The following TMEM150C variants were observed in gnomAD, a reference collection of about 807,000 sequenced individuals.
TMEM150C encodes the protein tentonin 3.
A neutral mutation model predicts 29.9 loss-of-function variants in TMEM150C; 10 were observed. That is an observed-to-expected ratio of 0.33 (90% CI 0.21 to 0.57). TMEM150C has a LOEUF of 0.57. Among genes scored for constraint, TMEM150C ranks in the 20% least tolerant of loss-of-function variants. The pLI is 0.88. For synonymous variants in TMEM150C, 101 were observed against 112.5 expected, an observed-to-expected ratio of 0.90 and a Z score of 0.64; for missense variants, 251 against 303.6, an observed-to-expected ratio of 0.83 and a Z score of 1.29.
At chr4:82,512,451 C>CTT (rs1724157004) in intron 1 of TMEM150C, among the ~76,000 whole-genome samples, 1 of 152,204 alleles carries the variant, frequency 6.6e-6, no homozygotes, top group Non-Finnish European at 1.5e-5. Context: ...AAAATCCACT[C>CTT]TGTCTCCTTC....
intron 2 of TMEM150C, among the ~76,000 whole-genome samples, chr4:82,504,012 T>C (rs1723819847): frequency 6.6e-6 from 1 of 152,152 alleles, no homozygotes; most frequent in Non-Finnish European, 1.5e-5. Flanking sequence ...AAAATGTTCA[T>C]TACAACAAGA....
At chr4:82,500,890 T>C (rs892922251) in intron 5 of TMEM150C, among the ~76,000 whole-genome samples, 2 of 152,176 alleles carry the variant, frequency 1.3e-5, no homozygotes, top group Non-Finnish European at 2.9e-5. Context: ...CAGGCTTGAG[T>C]ATCACGCTTA....
At chr4:82,523,711 T>TAA (rs1458236511) in intron 1 of TMEM150C, among the ~76,000 whole-genome samples, 8 of 151,430 alleles carry the variant, frequency 5.3e-5, no homozygotes, top group African/African-American at 1.5e-4. Context: ...TTTTTTTTTT[T>TAA]AAATAACTCA....
chr4:82,535,822 G>T (rs917367952), intron 1 of TMEM150C, among the ~76,000 whole-genome samples: 6 of 152,154 alleles, frequency 3.9e-5, no homozygotes. Context: ...TCTCAGCAGA[G>T]GCACTATTAA....
At chr4:82,541,331 TAGAG>T (rs931492744) in intron 1 of TMEM150C, among the ~76,000 whole-genome samples, 1 of 152,146 alleles carries the variant, frequency 6.6e-6, no homozygotes, top group African/African-American at 2.4e-5. Flanking sequence ...TGTAATTTCT[TAGAG>T]AGAGGAGGCA....
At chr4:82,559,315 C>T (rs932232385) in intron 1 of TMEM150C, among the ~76,000 whole-genome samples, 1 of 151,252 alleles carries the variant, frequency 6.6e-6, no homozygotes, top group African/African-American at 2.4e-5. Context: ...GAGGCCGAGG[C>T]GGGTGGCTCA....
intron 1 of TMEM150C, among the ~76,000 whole-genome samples, chr4:82,505,052 G>A (rs1416056898): frequency 6.6e-6 from 1 of 151,830 alleles, no homozygotes; most frequent in Non-Finnish European, 1.5e-5. Context: ...AGAAAGTTTA[G>A]TCTAACTGAA....
At chr4:82,491,200 T>C (rs1209072781) in intron 6 of TMEM150C, 72 of 694,564 alleles carry the variant, frequency 1.0e-4, no homozygotes, top group Non-Finnish European at 1.6e-5. Context: ...GTGGTGACAG[T>C]GTTAACTCCT....
At chr4:82,523,866 T>TGG (rs550897179) in intron 1 of TMEM150C, among the ~76,000 whole-genome samples, 4 of 150,992 alleles carry the variant, frequency 2.6e-5, no homozygotes, top group African/African-American at 9.7e-5. Context: ...TTAGTGGAGA[T>TGG]GGGGGGGGTT....
chr4:82,534,303 C>T (rs1316717495), intron 1 of TMEM150C, among the ~76,000 whole-genome samples: 1 of 152,096 alleles, frequency 6.6e-6, no homozygotes, highest in Admixed American at 6.6e-5. Context: ...ACCAACCAAG[C>T]CCCTCACCTC....
At position 82,508,481 on chromosome 4, in the gene TMEM150C, T is replaced by A. The variant is rs530823501; in HGVS notation, c.-10-3814A>T. On this transcript the variant is annotated intron_variant, in intron 1 of 7. Coordinates refer to ENST00000449862, the MANE Select transcript of TMEM150C (RefSeq NM_001080506.3). ...CATTCTGAATTGTGCTTTTTTTTTTTTTGAGATGGGGTCTCACTCTGTCGC... is the reference window on the plus strand; with the variant it reads ...CATTCTGAATTGTGCTTTTTTTTTTATTGAGATGGGGTCTCACTCTGTCGC... Among the ~76,000 whole-genome samples the A allele has an allele frequency of 1.0e-3, 159 of 152,068 alleles. 1 individual carries two copies. The highest frequency in any genetic ancestry group is 3.5e-3 in the African/African-American group (146 of 41,454).
At chr4:82,491,705 T>C in intron 6 of TMEM150C, 1 of 407,640 alleles carries the variant, frequency 2.5e-6, no homozygotes, top group Non-Finnish European at 4.4e-6. Context: ...TCTCCCTATG[T>C]TGCCCAGACT....
intron 1 of TMEM150C, among the ~76,000 whole-genome samples, chr4:82,561,313 C>T (rs1170121695): frequency 3.3e-5 from 5 of 152,200 alleles, no homozygotes; most frequent in African/African-American, 4.8e-5. Context: ...CCCAAGTGTG[C>T]GCCCAGGAAA....
intron 5 of TMEM150C, among the ~76,000 whole-genome samples, chr4:82,502,131 C>G (rs1723755856): frequency 6.6e-6 from 1 of 152,146 alleles, no homozygotes; most frequent in Non-Finnish European, 1.5e-5. Flanking sequence ...GACGCACTCA[C>G]AGAGGGACAG....
chr4:82,500,815 T>C lies in TMEM150C; in HGVS notation c.235+1912A>G, dbSNP rs370746921. Among the ~76,000 whole-genome samples the C allele has an allele frequency of 5.3e-4, 81 of 152,396 alleles. No homozygotes were observed. The South Asian group carries it at 0.012, about 23-fold the overall frequency. On this transcript the variant is annotated intron_variant, in intron 5 of 7. Coordinates refer to ENST00000449862, the MANE Select transcript of TMEM150C (RefSeq NM_001080506.3). The stretch of plus-strand genomic sequence containing the variant: ...AAAGGAAACAATATGTGGCTTCCAA[T>C]GTGCTCACTGGTTTGTTTAAAGCCC...
chr4:82,487,135 A>G (rs963495452), intron 7 of TMEM150C, among the ~76,000 whole-genome samples: 3 of 152,170 alleles, frequency 2.0e-5, no homozygotes, highest in African/African-American at 7.2e-5. Context: ...CATGAATCAG[A>G]ATCATTTGGT....
rs577728662 is a variant in TMEM150C at position 82,540,114 on chromosome 4, CTTTTTTTTTTTTT to C, written c.-11+21779_-11+21791del. 7.6e-3 allele frequency among the ~76,000 whole-genome samples: 360 copies of C among 47,242 alleles called. 13 individuals carry two copies. The highest frequency in any genetic ancestry group is 0.011 in the African/African-American group (196 of 17,836). The allele number at this position is 47,242 out of a possible 152,430, so 31.0% of individuals were successfully genotyped here. A position where few individuals can be genotyped will look rare whatever the true frequency, so the allele number is the denominator to read the frequency against. On this transcript the variant is annotated intron_variant, in intron 1 of 7. Coordinates refer to ENST00000449862, the MANE Select transcript of TMEM150C (RefSeq NM_001080506.3). Reference sequence around the variant, plus strand: ...TAGTCATTCAATGTTTCTACCTATTCTTTTTTTTTTTTTTTTTTTTTTTTTTTTTTTTTTTTTT... The same window carrying C: ...TAGTCATTCAATGTTTCTACCTATTCTTTTTTTTTTTTTTTTTTTTTTTTT...
chr4:82,499,081 G>C lies in TMEM150C; in HGVS notation c.236-2886C>G, dbSNP rs565987340. ...ATTCTAGCTGAATTTTTAGAATGATGGATCTAATAAAAGATTCTGCCCCTA... is the reference window on the plus strand; with the variant it reads ...ATTCTAGCTGAATTTTTAGAATGATCGATCTAATAAAAGATTCTGCCCCTA... On this transcript the variant is annotated intron_variant, in intron 5 of 7. Transcript: ENST00000449862. Among the ~76,000 whole-genome samples, 3 of 152,208 alleles carry C rather than the reference G, an allele frequency of 2.0e-5. No individual in the cohort carries two copies. In the South Asian group the frequency reaches 6.2e-4, roughly 32 times the overall value.
rs1192509650 is a variant in TMEM150C at position 82,492,792 on chromosome 4, C to CAA, written c.364-2556_364-2555dup. Among the ~76,000 whole-genome samples the CAA allele has an allele frequency of 6.3e-3, 324 of 51,828 alleles. 21 individuals are homozygous for CAA. Among genetic ancestry groups the CAA allele is most frequent in the African/African-American group, 0.02 (239 of 12,124 alleles). 34.0% of individuals were successfully genotyped at this position (51,828 alleles called of 152,430 possible). A position where few individuals can be genotyped will look rare whatever the true frequency, so the allele number is the denominator to read the frequency against. ...ACTTCACCAAGACTATCCACTTCTCCAAAAAAAAAAAAAAAAAACAACAAA... is the reference window on the plus strand; with the variant it reads ...ACTTCACCAAGACTATCCACTTCTCCAAAAAAAAAAAAAAAAAAAACAACAAA... On this transcript the variant is annotated intron_variant, in intron 6 of 7. Transcript: ENST00000449862.
Sources: gnomAD v4.1 joint callset for allele counts (sites outside exome capture counted in the v4.1 genomes callset) on GRCh38, gnomAD v4.1.1 for gene constraint, MANE v1.5 for transcripts, NCBI Gene and HGNC (gene_info 2026-07-23, HGNC 2026-07-21) for gene names.